The following PARVA variants were observed in gnomAD, a reference collection of about 807,000 sequenced individuals.
PARVA encodes the protein parvin alpha.
A neutral mutation model predicts 52.6 loss-of-function variants in PARVA; 25 were observed. The ratio of observed to expected loss-of-function variants is 0.48; its 90% CI spans 0.35 to 0.66. PARVA has a LOEUF of 0.66. PARVA is among the 30% of genes least tolerant of loss of function. The pLI is 0.01. For synonymous variants in PARVA, 185 were observed against 179.1 expected, an observed-to-expected ratio of 1.03 and a Z score of -0.26; for missense variants, 373 against 450.9, an observed-to-expected ratio of 0.83 and a Z score of 1.56.
At chr11:12,405,601 GT>G (rs1939892461) in intron 1 of PARVA, among the ~76,000 whole-genome samples, 1 of 151,952 alleles carries the variant, frequency 6.6e-6, no homozygotes, top group Admixed American at 6.6e-5. Flanking sequence ...AAACCATAGT[GT>G]TTTTGCTATT....
At chr11:12,464,294 TC>T (rs1940825760) in intron 1 of PARVA, among the ~76,000 whole-genome samples, 1 of 152,210 alleles carries the variant, frequency 6.6e-6, no homozygotes, top group African/African-American at 2.4e-5. Flanking sequence ...TTTACTGATG[TC>T]TCTAACTCCA....
At chr11:12,514,329 T>G (rs1023626816) in intron 10 of PARVA, among the ~76,000 whole-genome samples, 11 of 152,244 alleles carry the variant, frequency 7.2e-5, no homozygotes, top group Non-Finnish European at 1.6e-4. Flanking sequence ...TCTCTTTCTC[T>G]GCACCCCTAA....
At chr11:12,385,485 A>G in intron 1 of PARVA, among the ~76,000 whole-genome samples, 1 of 152,214 alleles carries the variant, frequency 6.6e-6, no homozygotes, top group East Asian at 1.9e-4. Context: ...GGCAGCTAAG[A>G]GTAGAATTAA....
intron 12 of PARVA, among the ~76,000 whole-genome samples, chr11:12,525,504 C>T (rs185106047): frequency 1.2e-4 from 18 of 152,108 alleles, no homozygotes; most frequent in Admixed American, 4.6e-4. Context: ...CACCTTTGCC[C>T]CTCTCTGCCT....
At chr11:12,474,085 TAAAA>T in intron 3 of PARVA, 102 bp downstream of exon 3, 2 of 899,170 alleles carry the variant, frequency 2.2e-6, no homozygotes, top group Non-Finnish European at 3.6e-6. Flanking sequence ...TGAGAGAAGG[TAAAA>T]AGTCATGGCA....
chr11:12,467,514 T>C (rs568634609), intron 1 of PARVA, among the ~76,000 whole-genome samples: 9 of 152,334 alleles, frequency 5.9e-5, no homozygotes, highest in African/African-American at 2.2e-4. Flanking sequence ...TAGGGTTTAA[T>C]TTTTTTGTTG....
intron 5 of PARVA, among the ~76,000 whole-genome samples, chr11:12,500,428 G>A (rs1168938996): frequency 6.6e-6 from 1 of 152,184 alleles, no homozygotes; most frequent in Non-Finnish European, 1.5e-5. Flanking sequence ...GTGCACAAAT[G>A]TTCAACAGTG....
intron 7 of PARVA, among the ~76,000 whole-genome samples, chr11:12,509,495 T>C (rs1032294853): frequency 3.3e-5 from 5 of 152,172 alleles, no homozygotes; most frequent in Non-Finnish European, 5.9e-5. Context: ...GTTCCATCTT[T>C]TCTCCAGCAC....
chr11:12,527,378 CA>C (rs1338258751), intron 12 of PARVA, among the ~76,000 whole-genome samples: 2 of 152,106 alleles, frequency 1.3e-5, no homozygotes, highest in African/African-American at 2.4e-5. Flanking sequence ...GAAGTTTTAG[CA>C]CCTCAAACCC....
intron 1 of PARVA, among the ~76,000 whole-genome samples, chr11:12,420,317 TTG>T (rs1271464009): frequency 6.6e-6 from 1 of 152,204 alleles, no homozygotes; most frequent in African/African-American, 2.4e-5. Context: ...GATCAAATTA[TTG>T]TGTGTTTAAT....
intron 1 of PARVA, among the ~76,000 whole-genome samples, chr11:12,387,171 T>C (rs1326578451): frequency 1.3e-5 from 2 of 152,232 alleles, no homozygotes; most frequent in Non-Finnish European, 2.9e-5. Flanking sequence ...TAAAATACTT[T>C]TAAAAAGTAT....
At chr11:12,397,544 A>G (rs74749521) in intron 1 of PARVA, among the ~76,000 whole-genome samples, 16,574 of 152,270 alleles carry the variant, frequency 0.11, 1,251 homozygotes, top group African/African-American at 0.21. Flanking sequence ...GAAATGATAG[A>G]GAAGAAAAAC....
At chr11:12,489,898 C>T (rs1183881040) in intron 4 of PARVA, among the ~76,000 whole-genome samples, 1 of 152,110 alleles carries the variant, frequency 6.6e-6, no homozygotes, top group Non-Finnish European at 1.5e-5. Context: ...GCCAAAAAAA[C>T]TGTTAGGAGA....
intron 6 of PARVA, among the ~76,000 whole-genome samples, chr11:12,504,792 T>TGTGTGTGTGA (rs1564865018): frequency 4.0e-5 from 6 of 151,716 alleles, no homozygotes; most frequent in East Asian, 1.9e-4. Context: ...TGTGTGTGTG[T>TGTGTGTGTGA]GAGTTTGTGT....
chr11:12,516,075 G>A lies in PARVA; in HGVS notation c.868-1535G>A, dbSNP rs1941563698. ...GCCAGTCTGGAACTCCTGAGCTCAA[G>A]CGATCCGCCTGCCTCAGCCTCCCAA... On this transcript the variant is annotated intron_variant, in intron 10 of 12. Coordinates refer to ENST00000334956, the MANE Select transcript of PARVA (RefSeq NM_018222.5). 2.0e-5 allele frequency among the ~76,000 whole-genome samples: 3 copies of A among 152,208 alleles called. No homozygotes were observed. The South Asian group carries it at 6.2e-4, about 31-fold the overall frequency.
rs1188788622 is a variant in PARVA, at chr11:12,456,560, T to C, written c.137-17185T>C. On this transcript the variant is annotated intron_variant, in intron 1 of 12. Transcript: ENST00000334956. ...TTCAGGATTAAACTCATACTTGGTA[T>C]GTTCTGGCTTGTATGGCCCTGACTT... Among the ~76,000 whole-genome samples, 3 of 152,106 alleles carry C rather than the reference T, an allele frequency of 2.0e-5. No individual in the cohort carries two copies. The East Asian group carries it at 5.8e-4, about 29-fold the overall frequency.
Position 12,511,465 on chromosome 11 carries a change from T to C in PARVA, c.717-49T>C, listed in dbSNP as rs369552091. The C allele has an allele frequency of 8.8e-6, 14 of 1,599,272 alleles. No individual in the cohort carries two copies. The East Asian group carries it at 2.2e-4, about 26-fold the overall frequency. On this transcript the variant is annotated intron_variant, in intron 7 of 12. Transcript: ENST00000334956. Reference sequence around the variant, plus strand: ...GTCCTTTCAGAGGACTGGCCTCTTATAAGGGACAAGAGAAGAGTCACACTA... The same window carrying C: ...GTCCTTTCAGAGGACTGGCCTCTTACAAGGGACAAGAGAAGAGTCACACTA...
chr11:12,383,066 T>C (rs1425424561), intron 1 of PARVA, among the ~76,000 whole-genome samples: 1 of 152,234 alleles, frequency 6.6e-6, no homozygotes, highest in Non-Finnish European at 1.5e-5. Context: ...TTAAGGGATC[T>C]TTCTTTGCAA....
At chr11:12,403,622 A>G (rs2134967057) in intron 1 of PARVA, among the ~76,000 whole-genome samples, 1 of 152,358 alleles carries the variant, frequency 6.6e-6, no homozygotes, top group African/African-American at 2.4e-5. Context: ...AAGAGATTAG[A>G]TTTGTTTATT....
Sources: allele counts gnomAD v4.1 joint callset (sites outside exome capture counted in the v4.1 genomes callset), GRCh38; gene constraint gnomAD v4.1.1; transcripts MANE v1.5; gene names NCBI Gene and HGNC (gene_info 2026-07-23, HGNC 2026-07-21).